BRD4: variants seen among roughly 807,000 people sequenced by gnomAD.
BRD4 encodes the protein bromodomain-containing protein 4.
In BRD4, 16 loss-of-function variants were observed where a neutral mutation model predicts 142.1. The ratio of observed to expected loss-of-function variants is 0.11; its 90% CI spans 0.08 to 0.17. The LOEUF (loss-of-function observed/expected upper bound fraction) is 0.17, where lower values mean the gene tolerates loss of function less well. Ranked by LOEUF, BRD4 falls within the 10% of genes least tolerant of loss-of-function variation. The probability of loss-of-function intolerance (pLI) is 1.00; values close to 1 mark genes in which losing one functional copy is unlikely to be tolerated. For missense variants in BRD4, 1,424 were observed against 1,810.9 expected, an observed-to-expected ratio of 0.79 and a Z score of 3.88; for synonymous variants, 833 against 707.5, an observed-to-expected ratio of 1.18 and a Z score of -2.82.
intron 7 of BRD4, among the ~76,000 whole-genome samples, chr19:15,261,183 C>T (rs1160602369): frequency 6.6e-6 from 1 of 152,132 alleles, no homozygotes; most frequent in Non-Finnish European, 1.5e-5. Context: ...TGAACAAAAA[C>T]TGCATTGAAA....
At chr19:15,257,270 A>G in intron 7 of BRD4, 97 bp from the exon 8 acceptor site, 1 of 1,217,266 alleles carries the variant, frequency 8.2e-7, no homozygotes, top group Non-Finnish European at 1.1e-6. Context: ...ACTCAACAGA[A>G]AGCAACCGAG....
intron 11 of BRD4, among the ~76,000 whole-genome samples, chr19:15,246,083 C>T (rs1330415310): frequency 6.6e-6 from 1 of 152,202 alleles, no homozygotes; most frequent in South Asian, 2.1e-4. Flanking sequence ...CGTCCTCGTA[C>T]AAATGACCAG....
intron 1 of BRD4, among the ~76,000 whole-genome samples, chr19:15,283,565 G>A (rs1447260576): frequency 6.6e-6 from 1 of 152,152 alleles, no homozygotes; most frequent in African/African-American, 2.4e-5. Flanking sequence ...CAATCTGCAT[G>A]GTTCATGACC....
At position 15,285,933 on chromosome 19, in the gene BRD4, G is replaced by A. The variant is rs552040614; in HGVS notation, c.-34-12800C>T. Reference sequence around the variant, plus strand: ...TAACTGCTTTAGGAGGCGTGTGTGAGGAGAGCCAGAGAGCAACATGCTGGC... The same window carrying A: ...TAACTGCTTTAGGAGGCGTGTGTGAAGAGAGCCAGAGAGCAACATGCTGGC... On this transcript the variant is annotated intron_variant, in intron 1 of 19. Coordinates refer to ENST00000679869, the MANE Select transcript of BRD4 (RefSeq NM_001379291.1). 9.2e-5 allele frequency among the ~76,000 whole-genome samples: 14 copies of A among 152,272 alleles called. No individual in the cohort carries two copies. In the South Asian group the frequency reaches 2.9e-3, roughly 32 times the overall value.
intron 1 of BRD4, among the ~76,000 whole-genome samples, chr19:15,322,637 G>GGTCAGGAGATCAAGAC (rs1464508653): frequency 6.7e-6 from 1 of 148,176 alleles, no homozygotes; most frequent in Non-Finnish European, 1.5e-5. Context: ...CAGATCACGA[G>GGTCAGGAGATCAAGAC]GTCAGGAGAT....
At chr19:15,282,643 C>G (rs2047713815) in intron 1 of BRD4, among the ~76,000 whole-genome samples, 2 of 152,192 alleles carry the variant, frequency 1.3e-5, no homozygotes, top group Non-Finnish European at 2.9e-5. Context: ...CTATGCATTC[C>G]CACTGACTCA....
chr19:15,246,043 C>T (rs1479862098), intron 11 of BRD4, among the ~76,000 whole-genome samples: 1 of 152,202 alleles, frequency 6.6e-6, no homozygotes, highest in Admixed American at 6.5e-5. Context: ...AGACAAGACA[C>T]AGACACAGAC....
At chr19:15,244,961 C>G in intron 11 of BRD4, 199 bp from the exon 12 acceptor site, 1 of 950,786 alleles carries the variant, frequency 1.1e-6, no homozygotes, top group South Asian at 1.7e-5. Context: ...ACCCACTTGC[C>G]TGCTGCTTTT....
rs879849579 is a variant in BRD4 at position 15,237,015 on chromosome 19, AT to A, written c.*1361del. On this transcript the variant is annotated 3_prime_UTR_variant, in exon 20 of 20. Transcript: ENST00000679869. ...CTCACCAGGGGCTCCAATTATAAAAATTAAAAAAAAAAAAAAAAAAAAGCAT... is the reference window on the plus strand; with the variant it reads ...CTCACCAGGGGCTCCAATTATAAAAATAAAAAAAAAAAAAAAAAAAAGCAT... 1.0e-5 allele frequency: 2 copies of A among 198,350 alleles called. No homozygotes were observed. The highest frequency in any genetic ancestry group is 2.4e-5 in the African/African-American group (1 of 42,008). The allele number at this position is 198,350 out of a possible 1,614,324, so 12.3% of individuals were successfully genotyped here.
At chr19:15,281,807 C>G (rs2047706696) in intron 1 of BRD4, among the ~76,000 whole-genome samples, 1 of 152,134 alleles carries the variant, frequency 6.6e-6, no homozygotes, top group Non-Finnish European at 1.5e-5. Context: ...TGCCTGAGTT[C>G]AGGAGTTCAA....
intron 1 of BRD4, among the ~76,000 whole-genome samples, chr19:15,274,290 C>A (rs944890680): frequency 3.3e-5 from 5 of 152,160 alleles, no homozygotes; most frequent in African/African-American, 4.8e-5. Flanking sequence ...AAACCCCACT[C>A]ACATGTGGAG....
At chr19:15,323,178 TAAAAAAAAAAAAA>T (rs1017018376) in intron 1 of BRD4, among the ~76,000 whole-genome samples, 10 of 73,050 alleles carry the variant, frequency 1.4e-4, no homozygotes, top group Admixed American at 1.8e-4. Flanking sequence ...TCCATCTCTT[TAAAAAAAAAAAAA>T]AAAAAAAAAA....
At chr19:15,309,612 G>C (rs924647721) in intron 1 of BRD4, among the ~76,000 whole-genome samples, 1 of 152,236 alleles carries the variant, frequency 6.6e-6, no homozygotes, top group East Asian at 1.9e-4. Flanking sequence ...AGTGTGTGTG[G>C]GCACTCACAG....
intron 1 of BRD4, among the ~76,000 whole-genome samples, chr19:15,301,159 C>G (rs949447443): frequency 6.6e-6 from 1 of 152,152 alleles, no homozygotes; most frequent in Non-Finnish European, 1.5e-5. Context: ...ACTATGTTAA[C>G]GAAAAGAAGC....
intron 1 of BRD4, among the ~76,000 whole-genome samples, chr19:15,299,853 T>TCA (rs1022883854): frequency 1.3e-5 from 2 of 152,202 alleles, no homozygotes; most frequent in African/African-American, 2.4e-5. Context: ...CTGTTAAGGT[T>TCA]CACGAGGAAA....
chr19:15,278,238 T>C (rs1214609116), intron 1 of BRD4, among the ~76,000 whole-genome samples: 1 of 149,690 alleles, frequency 6.7e-6, no homozygotes, highest in East Asian at 2.0e-4. Flanking sequence ...CACATCCTAT[T>C]AGAAAGTAAC....
intron 7 of BRD4, among the ~76,000 whole-genome samples, chr19:15,260,558 C>T (rs1371603226): frequency 1.3e-5 from 2 of 152,192 alleles, no homozygotes; most frequent in Non-Finnish European, 2.9e-5. Context: ...GAGAGGTGTC[C>T]CTCCCAAGGG....
Position 15,238,927 on chromosome 19 carries a change from GCCT to G in BRD4, c.3833_3835del (p.Glu1278del), listed in dbSNP as rs760816131. On this transcript the variant is annotated inframe_deletion, in exon 19 of 20. Transcript: ENST00000679869. This position sits in a 1 kb window ranked among gnomAD's most constrained non-coding sequence, Gnocchi z 7.2. ...CTGCTGCTGCTCCTGGCGCCGACGT[GCCT>G]CCTCATGGGCCCGCCGGGCCTGCTC... The G allele has an allele frequency of 3.8e-6, 6 of 1,598,752 alleles. No individual in the cohort carries two copies. Among genetic ancestry groups the G allele is most frequent in the Non-Finnish European group, 5.1e-6 (6 of 1,174,896 alleles).
chr19:15,271,860 G>T (rs1413110717), intron 2 of BRD4, among the ~76,000 whole-genome samples: 1 of 147,448 alleles, frequency 6.8e-6, no homozygotes, highest in Non-Finnish European at 1.5e-5. Context: ...CAGACACAAT[G>T]ACTTTAAACT....
Sources: gnomAD v4.1 joint callset for allele counts (sites outside exome capture counted in the v4.1 genomes callset) on GRCh38, gnomAD v4.1.1 for gene constraint, Gnocchi (gnomAD v3.1) non-coding constraint, MANE v1.5 for transcripts, NCBI Gene and HGNC (gene_info 2026-07-23, HGNC 2026-07-21) for gene names.